AGAP1: variants seen among roughly 807,000 people sequenced by gnomAD.
AGAP1 encodes the protein arf-GAP with GTPase, ANK repeat and PH domain-containing protein 1.
In AGAP1, 29 loss-of-function variants were observed where a neutral mutation model predicts 105.3. The ratio of observed to expected loss-of-function variants is 0.28; its 90% CI spans 0.21 to 0.38. AGAP1 has a LOEUF of 0.38. Ranked by LOEUF, AGAP1 falls within the 10% of genes least tolerant of loss-of-function variation. AGAP1 has a pLI of 1.00. For missense variants in AGAP1, 998 were observed against 1,165.1 expected (o/e 0.86, Z 2.09); for synonymous variants, 509 against 485.9 (o/e 1.05, Z -0.63).
At chr2:235,708,995 A>T (rs1300276750) in intron 1 of AGAP1, among the ~76,000 whole-genome samples, 184 bp from the exon 2 acceptor site, 2 of 152,214 alleles carry the variant, frequency 1.3e-5, no homozygotes, top group East Asian at 3.9e-4. Context: ...GGAACTCCCC[A>T]CTGGCATCTA....
In AGAP1 at chr2:236,007,428, A is replaced by G. The variant is rs370484285; in HGVS notation, c.1646-29133A>G. Among the ~76,000 whole-genome samples, 27 of 152,346 alleles carry G rather than the reference A, an allele frequency of 1.8e-4. 1 individual carries two copies. The South Asian group carries it at 3.9e-3, about 22-fold the overall frequency. ...CAAAGATGGCAGATCAAATACTTCAAGAAGGGTGGTTGTTTGCCATTGTGG... is the reference window on the plus strand; with the variant it reads ...CAAAGATGGCAGATCAAATACTTCAGGAAGGGTGGTTGTTTGCCATTGTGG... On this transcript the variant is annotated intron_variant, in intron 13 of 17. Transcript: ENST00000304032.
rs531149073 is a variant in AGAP1 at position 235,633,486 on chromosome 2, C to G, written c.164-75693C>G. On this transcript the variant is annotated intron_variant, in intron 1 of 17. Transcript: ENST00000304032. The surrounding 1 kb of genome is among the most constrained non-coding windows in gnomAD (Gnocchi z 4.8). ...GCGGGCTCCTGTAATTCCAGCTACT[C>G]GGGGGCTAAAGCAGGAGAATCCCTC... 6.6e-6 allele frequency among the ~76,000 whole-genome samples: 1 copy of G among 152,088 alleles called. No homozygotes were observed. Among genetic ancestry groups the G allele is most frequent in the African/African-American group, 2.4e-5 (1 of 41,406 alleles).
chr2:235,703,431 TA>T (rs1950356112), intron 1 of AGAP1, among the ~76,000 whole-genome samples: 1 of 151,736 alleles, frequency 6.6e-6, no homozygotes, highest in African/African-American at 2.4e-5. Context: ...CCCCCAAAGG[TA>T]ATAGGAGAGC....
At position 235,556,140 on chromosome 2, in the gene AGAP1, G is replaced by T. The variant is rs900102086; in HGVS notation, c.163+61291G>T. Among the ~76,000 whole-genome samples the T allele has an allele frequency of 2.0e-5, 3 of 152,218 alleles. No individual in the cohort carries two copies. Among genetic ancestry groups the T allele is most frequent in the African/African-American group, 7.2e-5 (3 of 41,448 alleles). ...TGAGACCTGAAGAAGGGTTGTGCATGTGGGAGGGAGCCAGCCTGGTGGACC... is the reference window on the plus strand; with the variant it reads ...TGAGACCTGAAGAAGGGTTGTGCATTTGGGAGGGAGCCAGCCTGGTGGACC... On this transcript the variant is annotated intron_variant, in intron 1 of 17. Coordinates refer to ENST00000304032, the MANE Select transcript of AGAP1 (RefSeq NM_001037131.3). This position sits in a 1 kb window ranked among gnomAD's most constrained non-coding sequence, Gnocchi z 5.3.
In AGAP1 at chr2:235,730,859, G is replaced by T. The variant is rs138261284; in HGVS notation, c.311-10104G>T. On this transcript the variant is annotated intron_variant, in intron 3 of 17. Transcript: ENST00000304032. ...TTGGTTATGTATTAGGTTGTATTGG[G>T]TGGGGCCAATCATTATGTGACTATT... is the stretch of plus-strand genomic sequence containing the variant. 6.2e-3 allele frequency among the ~76,000 whole-genome samples: 945 copies of T among 152,148 alleles called. 12 individuals carry two copies. The highest frequency in any genetic ancestry group is 0.011 in the Non-Finnish European group (748 of 68,014).
chr2:236,075,031 C>T (rs1347913529), intron 16 of AGAP1, among the ~76,000 whole-genome samples: 1 of 152,098 alleles, frequency 6.6e-6, no homozygotes, highest in Admixed American at 6.6e-5. Context: ...CCAGCTTAGA[C>T]GATAGAGACA....
chr2:235,876,026 A>G (rs2049707613), intron 9 of AGAP1, among the ~76,000 whole-genome samples: 1 of 152,210 alleles, frequency 6.6e-6, no homozygotes, highest in South Asian at 2.1e-4. Flanking sequence ...ACCCATGACC[A>G]AGATCTCCTT....
rs1440228939 is a variant in AGAP1, at chr2:236,082,505, A to G, written c.2114+33224A>G. ...AAGCATCGATCCCCTCCAGAAAGGA[A>G]GATGGTTCCCAAAAGGCCTATCAGG... On this transcript the variant is annotated intron_variant, in intron 16 of 17. Transcript: ENST00000304032. This position sits in a 1 kb window ranked among gnomAD's most constrained non-coding sequence, Gnocchi z 4.2. 1.3e-5 allele frequency among the ~76,000 whole-genome samples: 2 copies of G among 152,220 alleles called. No homozygotes were observed. The highest frequency in any genetic ancestry group is 2.9e-5 in the Non-Finnish European group (2 of 68,042).
intron 3 of AGAP1, among the ~76,000 whole-genome samples, chr2:235,727,706 C>T (rs550146374): frequency 6.6e-6 from 1 of 152,328 alleles, no homozygotes; most frequent in African/African-American, 2.4e-5. Flanking sequence ...CGCTTCTCCC[C>T]CAACCTGTTT....
intron 6 of AGAP1, among the ~76,000 whole-genome samples, chr2:235,766,335 G>T (rs535790982): frequency 6.6e-6 from 1 of 152,188 alleles, no homozygotes; most frequent in Non-Finnish European, 1.5e-5. Flanking sequence ...TAGAAGGACC[G>T]TATGGCCCAT....
At chr2:235,670,234 CTCCGGCGGCCCGGACCCACGCCCGG>C (rs1276407426) in intron 1 of AGAP1, 1 of 568,364 alleles carries the variant, frequency 1.8e-6, no homozygotes, top group Non-Finnish European at 3.2e-6. Flanking sequence ...CCGCGCCGGG[CTCCGGCGGCCCGGACCCACGCCCGG>C]TTCGGCGGCC....
intron 9 of AGAP1, among the ~76,000 whole-genome samples, chr2:235,863,154 G>A (rs567140055): frequency 4.6e-5 from 7 of 152,210 alleles, no homozygotes; most frequent in African/African-American, 7.2e-5. Context: ...TGGGCAAGAC[G>A]GGAGTGGTCC....
chr2:235,535,607 C>T lies in AGAP1; in HGVS notation c.163+40758C>T, dbSNP rs1943187098. Among the ~76,000 whole-genome samples, 1 of 151,944 alleles carries T rather than the reference C, an allele frequency of 6.6e-6. No individual in the cohort carries two copies. Among genetic ancestry groups the T allele is most frequent in the African/African-American group, 2.4e-5 (1 of 41,392 alleles). On this transcript the variant is annotated intron_variant, in intron 1 of 17. Transcript: ENST00000304032. The surrounding 1 kb of genome is among the most constrained non-coding windows in gnomAD (Gnocchi z 5.1). Reference sequence around the variant, plus strand: ...GGGGCCAAAGGTTTCCTCAAAGACCCTGGGGGCCGGGCGGGGCTGTGCCAG... The same window carrying T: ...GGGGCCAAAGGTTTCCTCAAAGACCTTGGGGGCCGGGCGGGGCTGTGCCAG...
chr2:235,717,128 G>A (rs1239222007), intron 2 of AGAP1, among the ~76,000 whole-genome samples: 4 of 152,000 alleles, frequency 2.6e-5, no homozygotes, highest in Admixed American at 6.5e-5. Context: ...ATCCCCTAAA[G>A]ATGCTACCAT....
At chr2:235,846,638 T>A (rs1337215982) in intron 9 of AGAP1, among the ~76,000 whole-genome samples, 1 of 151,926 alleles carries the variant, frequency 6.6e-6, no homozygotes, top group Non-Finnish European at 1.5e-5. Context: ...ACCTATTTAT[T>A]TATTAAATAA....
intron 6 of AGAP1, among the ~76,000 whole-genome samples, chr2:235,791,589 G>GT (rs1398530247): frequency 6.6e-6 from 1 of 152,080 alleles, no homozygotes; most frequent in Admixed American, 6.5e-5. Context: ...TGGCCAGACT[G>GT]GAGTACAGTG....
chr2:236,099,567 G>A (rs1325550398), intron 16 of AGAP1, among the ~76,000 whole-genome samples: 1 of 152,142 alleles, frequency 6.6e-6, no homozygotes, highest in Non-Finnish European at 1.5e-5. Flanking sequence ...TTTTATCATA[G>A]GGAGGCCGTA....
rs1273168020 is a variant in AGAP1 at position 235,732,013 on chromosome 2, G to C, written c.311-8950G>C. Among the ~76,000 whole-genome samples, 1 of 152,140 alleles carries C rather than the reference G, an allele frequency of 6.6e-6. No individual in the cohort carries two copies. Among genetic ancestry groups the C allele is most frequent in the Non-Finnish European group, 1.5e-5 (1 of 68,032 alleles). On this transcript the variant is annotated intron_variant, in intron 3 of 17. Transcript: ENST00000304032. The surrounding 1 kb of genome is among the most constrained non-coding windows in gnomAD (Gnocchi z 4.8). ...TTTTCTCCAGCACAAAAACCTGTGT[G>C]CTGTTTTTCTGCAGACCTTGGTTTT...
rs946944558 is a variant in AGAP1 at position 235,983,563 on chromosome 2, G to A, written c.1645+14940G>A. ...CTTTTTTTTATTGTGGCAAAATACA[G>A]TCATGCATCACATTACAACATTTTG... is the stretch of plus-strand genomic sequence containing the variant. On this transcript the variant is annotated intron_variant, in intron 13 of 17. Coordinates refer to ENST00000304032, the MANE Select transcript of AGAP1 (RefSeq NM_001037131.3). The surrounding 1 kb of genome is among the most constrained non-coding windows in gnomAD (Gnocchi z 4.5). Among the ~76,000 whole-genome samples, 3 of 151,874 alleles carry A rather than the reference G, an allele frequency of 2.0e-5. No homozygotes were observed. The highest frequency in any genetic ancestry group is 7.3e-5 in the African/African-American group (3 of 41,342).
Sources: gnomAD v4.1 joint callset for allele counts (sites outside exome capture counted in the v4.1 genomes callset) on GRCh38, gnomAD v4.1.1 for gene constraint, Gnocchi (gnomAD v3.1) non-coding constraint, MANE v1.5 for transcripts, NCBI Gene and HGNC (gene_info 2026-07-23, HGNC 2026-07-21) for gene names.